PTPRT: variants seen among roughly 807,000 people sequenced by gnomAD.
PTPRT encodes receptor-type tyrosine-protein phosphatase T.
PTPRT carries 56 observed loss-of-function variants against 176.8 expected under a neutral mutation model. That is an observed-to-expected ratio of 0.32 (90% CI 0.26 to 0.40). The LOEUF (loss-of-function observed/expected upper bound fraction) is 0.40, where lower values mean the gene tolerates loss of function less well. Ranked by LOEUF, PTPRT falls within the 10% of genes least tolerant of loss-of-function variation. PTPRT has a pLI of 1.00. For missense variants in PTPRT, 1,540 were observed against 1,908.2 expected (o/e 0.81, Z 3.60); for synonymous variants, 783 against 739.0 (o/e 1.06, Z -0.96).
intron 7 of PTPRT, among the ~76,000 whole-genome samples, chr20:42,553,834 C>T (rs1409216658): frequency 6.6e-6 from 1 of 152,006 alleles, no homozygotes; most frequent in Non-Finnish European, 1.5e-5. Flanking sequence ...GTTTTTTCTA[C>T]CAAGCAGCAG....
intron 6 of PTPRT, among the ~76,000 whole-genome samples, chr20:42,755,572 AT>A (rs11480364): frequency 1.7e-3 from 251 of 147,024 alleles, no homozygotes; most frequent in Middle Eastern, 7.0e-3. Context: ...CTGTCAAACC[AT>A]TTTTTTTTTT....
intron 11 of PTPRT, among the ~76,000 whole-genome samples, chr20:42,318,166 T>A (rs2057747989): frequency 6.7e-6 from 1 of 150,090 alleles, no homozygotes; most frequent in Non-Finnish European, 1.5e-5. Context: ...ATAATGCCTG[T>A]TGAAGTCAAT....
chr20:42,085,600 C>A, intron 28 of PTPRT, 128 bp downstream of exon 28: 2 of 1,398,364 alleles, frequency 1.4e-6, no homozygotes, highest in East Asian at 2.3e-5. Flanking sequence ...GGCATCACTT[C>A]CTCAAGGAAG....
chr20:42,867,390 ATTTTTTTTTTTT>A (rs761289845), intron 2 of PTPRT, among the ~76,000 whole-genome samples: 1 of 102,174 alleles, frequency 9.8e-6, no homozygotes, highest in Admixed American at 1.1e-4. Flanking sequence ...AAGAACACAG[ATTTTTTTTTTTT>A]TTTTTTTTTT....
intron 7 of PTPRT, among the ~76,000 whole-genome samples, chr20:42,590,927 C>CGTGTGTGTGT (rs11468131): frequency 6.1e-5 from 8 of 130,996 alleles, no homozygotes; most frequent in African/African-American, 1.4e-4. Flanking sequence ...AGAGATTTAG[C>CGTGTGTGTGT]GTGTGTGTGT....
intron 15 of PTPRT, among the ~76,000 whole-genome samples, chr20:42,213,137 C>T (rs1197159031): frequency 3.3e-5 from 5 of 152,276 alleles, no homozygotes; most frequent in East Asian, 1.9e-4. Context: ...GTATTAGCAA[C>T]GCAAGTTCAC....
At chr20:42,140,745 A>T (rs1248134751) in intron 18 of PTPRT, among the ~76,000 whole-genome samples, 1 of 152,118 alleles carries the variant, frequency 6.6e-6, no homozygotes, top group African/African-American at 2.4e-5. Flanking sequence ...GCCTTATTCT[A>T]TGTCCCCACA....
chr20:42,463,691 T>C (rs570625370), intron 8 of PTPRT, among the ~76,000 whole-genome samples: 2 of 152,262 alleles, frequency 1.3e-5, no homozygotes, highest in South Asian at 4.1e-4. Context: ...ATATGAGGAA[T>C]ACCAAGGTAG....
chr20:42,723,003 G>A (rs1243976529), intron 6 of PTPRT, among the ~76,000 whole-genome samples: 2 of 152,160 alleles, frequency 1.3e-5, no homozygotes, highest in Non-Finnish European at 2.9e-5. Flanking sequence ...TTCTGATACT[G>A]AATGAGTGAC....
At chr20:42,733,794 A>G (rs1354443570) in intron 6 of PTPRT, among the ~76,000 whole-genome samples, 1 of 152,208 alleles carries the variant, frequency 6.6e-6, no homozygotes, top group African/African-American at 2.4e-5. Flanking sequence ...TGGTTTGCAC[A>G]TTGGTCCTCT....
At chr20:42,410,342 C>A (rs1467100826) in intron 9 of PTPRT, among the ~76,000 whole-genome samples, 1 of 151,518 alleles carries the variant, frequency 6.6e-6, no homozygotes, top group Non-Finnish European at 1.5e-5. Flanking sequence ...CTAATAAAAT[C>A]AATAAAAATA....
intron 1 of PTPRT, among the ~76,000 whole-genome samples, chr20:42,995,395 C>A (rs1162739988): frequency 6.6e-6 from 1 of 152,164 alleles, no homozygotes; most frequent in Non-Finnish European, 1.5e-5. Context: ...GCTGGGGGAA[C>A]TGGGAGAACC....
chr20:42,675,177 C>T (rs1281471430), intron 7 of PTPRT, among the ~76,000 whole-genome samples: 1 of 152,216 alleles, frequency 6.6e-6, no homozygotes, highest in African/African-American at 2.4e-5. Context: ...AAGTCACTCA[C>T]AGGCTGCAAC....
intron 1 of PTPRT, among the ~76,000 whole-genome samples, chr20:42,932,252 C>T: frequency 6.6e-6 from 1 of 152,222 alleles, no homozygotes; most frequent in East Asian, 1.9e-4. Context: ...TCTGGACCTC[C>T]CCATGAGGAT....
intron 1 of PTPRT, among the ~76,000 whole-genome samples, chr20:43,022,475 A>G (rs1215222927): frequency 6.6e-6 from 1 of 152,210 alleles, no homozygotes; most frequent in Non-Finnish European, 1.5e-5. Flanking sequence ...TAGGCCTTAC[A>G]TGATTCTATT....
chr20:42,709,199 G>A (rs545930641), intron 6 of PTPRT, among the ~76,000 whole-genome samples: 2 of 152,290 alleles, frequency 1.3e-5, no homozygotes, highest in South Asian at 4.1e-4. Context: ...ATAGTCACCA[G>A]CAAAGTTACA....
chr20:42,482,799 C>T (rs181645384), intron 7 of PTPRT, among the ~76,000 whole-genome samples: 45 of 152,206 alleles, frequency 3.0e-4, no homozygotes, highest in Admixed American at 1.6e-3. Context: ...TTTTTTCCCA[C>T]GGCTTAGCTC....
At chr20:42,551,728 T>TA (rs138847942) in intron 7 of PTPRT, among the ~76,000 whole-genome samples, 5,667 of 152,248 alleles carry the variant, frequency 0.037, 137 homozygotes, top group East Asian at 0.099. Context: ...ACTTGTTGAA[T>TA]GGGGGTCTGG....
intron 1 of PTPRT, among the ~76,000 whole-genome samples, chr20:42,961,560 A>G (rs1299040404): frequency 6.6e-6 from 1 of 152,240 alleles, no homozygotes; most frequent in Non-Finnish European, 1.5e-5. Flanking sequence ...CTTCACAGAA[A>G]TGAGCAAAGA....
Sources: gnomAD v4.1 joint callset for allele counts (sites outside exome capture counted in the v4.1 genomes callset) on GRCh38, gnomAD v4.1.1 for gene constraint, MANE v1.5 for transcripts, NCBI Gene and HGNC (gene_info 2026-07-23, HGNC 2026-07-21) for gene names.